SCARA3: variants seen among roughly 807,000 people sequenced by gnomAD.
SCARA3 encodes scavenger receptor class A member 3, also known as cellular stress response gene protein.
In SCARA3, 39 loss-of-function variants were observed where a neutral mutation model predicts 47.0. The observed-to-expected ratio is 0.83, with a 90% CI of 0.64 to 1.08. The LOEUF is 1.08. Among genes scored for constraint, SCARA3 ranks in the 50% least tolerant of loss-of-function variants. The pLI, the probability that SCARA3 is intolerant of heterozygous loss-of-function variation, is 0.00. For synonymous variants in SCARA3, 356 were observed against 334.1 expected, an observed-to-expected ratio of 1.07 and a Z score of -0.71; for missense variants, 724 against 792.3, an observed-to-expected ratio of 0.91 and a Z score of 1.04.
At chr8:27,654,789 C>CAAAAAAAAAAAAAA (rs539914704) in intron 3 of SCARA3, among the ~76,000 whole-genome samples, 1 of 86,134 alleles carries the variant, frequency 1.2e-5, no homozygotes, top group Non-Finnish European at 2.4e-5. Context: ...GACTGTCTCA[C>CAAAAAAAAAAAAAA]AAAAAAAAAA....
chr8:27,679,954 A>C (rs764154739), downstream of SCARA3: 2 of 152,150 alleles, frequency 1.3e-5, no homozygotes, highest in Non-Finnish European at 2.9e-5. Context: ...CATTCTTAGC[A>C]ATTAAAGATA....
At chr8:27,710,229 CAAAA>C in the SCARA3 span, among the ~76,000 whole-genome samples, 2 of 105,072 alleles carry the variant, frequency 1.9e-5, no homozygotes, top group African/African-American at 7.5e-5. Context: ...GACTCCGTCT[CAAAA>C]AAAAAAAAAA....
chr8:27,648,962 A>C (rs941984861), intron 1 of SCARA3, among the ~76,000 whole-genome samples: 2 of 151,912 alleles, frequency 1.3e-5, no homozygotes, highest in Non-Finnish European at 2.9e-5. Context: ...GAAAGTAGGG[A>C]AGGAAGGATG....
intron 1 of SCARA3, among the ~76,000 whole-genome samples, chr8:27,648,858 G>A (rs1262924283): frequency 6.7e-6 from 1 of 149,120 alleles, no homozygotes; most frequent in Non-Finnish European, 1.5e-5. Flanking sequence ...AAGGAAAGGA[G>A]GGAGGAAAGT....
downstream of SCARA3, among the ~76,000 whole-genome samples, chr8:27,679,638 A>C (rs140233274): frequency 1.0e-3 from 158 of 152,342 alleles, no homozygotes; most frequent in African/African-American, 3.4e-3. Flanking sequence ...CATTTACAGA[A>C]CACAATAACC....
chr8:27,659,012 C>T lies in SCARA3; in HGVS notation c.842C>T (p.Ala281Val). 6.2e-7 allele frequency: 1 copy of T among 1,614,072 alleles called. No individual in the cohort carries two copies. The change falls in exon 5 of 6, where the codon GCC (alanine) becomes GTC (valine). Residue 281 changes from alanine to valine, a missense_variant. Transcript: ENST00000301904. ...GGAGAGGCGGTCAAGAACATCCAGG[C>T]CACCCTGGGGGCCTCCTCACAGCGC... Reference protein sequence around the residue: ...KTGEAVKNIQATLGASSQRIS... With the variant: ...KTGEAVKNIQVTLGASSQRIS...
At position 27,672,748 on chromosome 8, in the gene SCARA3, A is replaced by G; in HGVS notation, c.*1397A>G. ...ACAGGGTGGAGGTCTCCTGTTGGCT[A>G]CACTCTAAAGCTGCTTTGCCTTCAT... On this transcript the variant is annotated 3_prime_UTR_variant, in exon 6 of 6. Coordinates refer to ENST00000301904, the MANE Select transcript of SCARA3 (RefSeq NM_016240.3). 1.0e-6 allele frequency: 1 copy of G among 985,576 alleles called. No homozygotes were observed. The highest frequency in any genetic ancestry group is 1.2e-6 in the Non-Finnish European group (1 of 830,052). The allele number at this position is 985,576 out of a possible 1,614,324, so 61.1% of individuals were successfully genotyped here. A position where few individuals can be genotyped will look rare whatever the true frequency, so the allele number is the denominator to read the frequency against.
downstream of SCARA3, among the ~76,000 whole-genome samples, chr8:27,681,333 A>T (rs199889928): frequency 2.0e-3 from 2 of 1,000 alleles, no homozygotes; most frequent in South Asian, 0.5. Context: ...TACTAGCTAC[A>T]AAAAAATTTA....
the SCARA3 span, among the ~76,000 whole-genome samples, chr8:27,721,954 A>T: frequency 0.83 from 126,753 of 152,034 alleles, 53,412 homozygotes; most frequent in Non-Finnish European, 0.9. Flanking sequence ...CCAGGAGTGG[A>T]GGCATGCGCC....
At chr8:27,645,740 A>G (rs1191453045) in intron 1 of SCARA3, among the ~76,000 whole-genome samples, 1 of 152,248 alleles carries the variant, frequency 6.6e-6, no homozygotes, top group East Asian at 1.9e-4. Context: ...GAGAATAGGC[A>G]TAGAAGACGG....
Position 27,659,328 on chromosome 8 carries a change from G to A in SCARA3, c.1158G>A (p.Thr386=), listed in dbSNP as rs138077921. 15 of 1,613,888 alleles carry A rather than the reference G, an allele frequency of 9.3e-6. No homozygotes were observed. In the East Asian group the frequency reaches 1.1e-4, roughly 12 times the overall value. The stretch of plus-strand genomic sequence containing the variant: ...TGGATGACGTGCGGCTCTCCTGCAC[G>A]CTGGGCTTCCACACCCATGCCGAGG... ...KYLDDVRLSC[T]LGFHTHAEEL... The change falls in exon 5 of 6, where the codon ACG becomes ACA. Residue 386 remains threonine (T), a synonymous_variant. Coordinates refer to ENST00000301904, the MANE Select transcript of SCARA3 (RefSeq NM_016240.3).
chr8:27,641,695 T>C (rs1801385154), intron 1 of SCARA3, among the ~76,000 whole-genome samples: 1 of 152,074 alleles, frequency 6.6e-6, no homozygotes. Context: ...CTGAGTGCAT[T>C]GGGGATGAAG....
chr8:27,658,606 C>T lies in SCARA3; in HGVS notation c.436C>T (p.Gln146Ter). Reference sequence around the variant, plus strand: ...GGGAATTCAGAAGCTGCTTCTGGCCCAGGAGGTGCAGCTGGACCAGACCTT... The same window carrying T: ...GGGAATTCAGAAGCTGCTTCTGGCCTAGGAGGTGCAGCTGGACCAGACCTT... The part of the protein sequence containing the change: ...LEGIQKLLLA[Q>*]EVQLDQTLQA... Residue 146 changes from glutamine (Q) to a stop codon, truncating the protein, a stop_gained, in exon 5 of 6, where the codon CAG becomes TAG. Coordinates refer to ENST00000301904, the MANE Select transcript of SCARA3 (RefSeq NM_016240.3). LOFTEE classifies it high-confidence loss of function. 1 of 1,614,124 alleles carries T rather than the reference C, an allele frequency of 6.2e-7. No individual in the cohort carries two copies. Among genetic ancestry groups the T allele is most frequent in the Middle Eastern group, 1.6e-4 (1 of 6,062 alleles).
chr8:27,710,915 ATTTTT>A, the SCARA3 span, among the ~76,000 whole-genome samples: 609 of 96,778 alleles, frequency 6.3e-3, 2 homozygotes, highest in Admixed American at 0.01. Flanking sequence ...CTCATAGGTG[ATTTTT>A]TTTTTTTTTT....
chr8:27,657,299 A>C (rs908626294), intron 4 of SCARA3, among the ~76,000 whole-genome samples: 2 of 151,270 alleles, frequency 1.3e-5, no homozygotes, highest in Non-Finnish European at 2.9e-5. Flanking sequence ...TGTGCCATCT[A>C]TTTATCTATT....
chr8:27,641,463 T>C (rs976164798), intron 1 of SCARA3, among the ~76,000 whole-genome samples: 1 of 152,242 alleles, frequency 6.6e-6, no homozygotes, highest in Non-Finnish European at 1.5e-5. Flanking sequence ...AGGATCCAGA[T>C]GGCAGGACTT....
intron 2 of SCARA3, 129 bp from the exon 3 acceptor site, chr8:27,651,379 G>A (rs957146862): frequency 1.4e-5 from 16 of 1,157,672 alleles, no homozygotes; most frequent in African/African-American, 6.2e-5. Context: ...AATGAGGGTC[G>A]AGAACAGCTC....
chr8:27,650,266 G>A (rs1415552395), intron 2 of SCARA3, among the ~76,000 whole-genome samples: 2 of 152,040 alleles, frequency 1.3e-5, no homozygotes, highest in African/African-American at 4.8e-5. Context: ...AATTGCTGGG[G>A]TTACAGGTGT....
At chr8:27,702,564 C>G in the SCARA3 span, 1 of 152,358 alleles carries the variant, frequency 6.6e-6, no homozygotes, top group African/African-American at 2.4e-5. Flanking sequence ...GGGAGTGACG[C>G]GTCCCTGGAC....
Sources: allele counts gnomAD v4.1 joint callset (sites outside exome capture counted in the v4.1 genomes callset), GRCh38; gene constraint gnomAD v4.1.1; transcripts MANE v1.5; gene names NCBI Gene and HGNC (gene_info 2026-07-23, HGNC 2026-07-21).